TFEC: variants seen among roughly 807,000 people sequenced by gnomAD.
The protein encoded by TFEC is class E basic helix-loop-helix protein 34.
TFEC carries 31 observed loss-of-function variants against 41.6 expected under a neutral mutation model. The observed-to-expected ratio is 0.74, with a 90% CI of 0.56 to 1.01. The LOEUF is 1.01. Among genes scored for constraint, TFEC ranks in the 50% least tolerant of loss-of-function variants. The pLI is 0.00. For missense variants in TFEC, 402 were observed against 404.1 expected (o/e 0.99, Z 0.04); for synonymous variants, 143 against 140.6 (o/e 1.02, Z -0.12).
At chr7:115,974,591 C>T (rs1584620024) in intron 2 of TFEC, among the ~76,000 whole-genome samples, 1 of 122,954 alleles carries the variant, frequency 8.1e-6, no homozygotes, top group African/African-American at 3.0e-5. Context: ...AAATCAGTAT[C>T]TACATAAATA....
intron 1 of TFEC, among the ~76,000 whole-genome samples, chr7:116,015,598 C>T (rs571461627): frequency 2.0e-5 from 3 of 151,884 alleles, no homozygotes; most frequent in South Asian, 2.1e-4. Context: ...AAAGACCTTA[C>T]TGGGTAAAAG....
In TFEC at chr7:116,055,694, A is replaced by G. The variant is rs148035523; in HGVS notation, c.198+55014T>C. On this transcript the variant is annotated intron_variant, in intron 3 of 8. Coordinates refer to the TFEC transcript ENST00000484212. ...AAGTAATTTTATATATATCATCTCA[A>G]TGATTGCCACAATTCTGTGAAGAAG... is the stretch of plus-strand genomic sequence containing the variant. Among the ~76,000 whole-genome samples, 824 of 152,176 alleles carry G rather than the reference A, an allele frequency of 5.4e-3. 5 individuals are homozygous for G. The highest frequency in any genetic ancestry group is 0.019 in the African/African-American group (795 of 41,576).
intron 1 of TFEC, among the ~76,000 whole-genome samples, chr7:116,021,117 T>C (rs1415454781): frequency 1.3e-5 from 2 of 152,176 alleles, no homozygotes; most frequent in East Asian, 3.9e-4. Flanking sequence ...TAAAGGAACA[T>C]AAGAATTGAT....
intron 5 of TFEC, 28 bp downstream of exon 5, chr7:115,954,558 A>G: frequency 6.3e-7 from 1 of 1,589,346 alleles, no homozygotes. Flanking sequence ...CTTTTGCATT[A>G]ATTTTATATG....
At chr7:116,126,928 A>G (rs1477007823) in intron 1 of TFEC, among the ~76,000 whole-genome samples, 1 of 152,002 alleles carries the variant, frequency 6.6e-6, no homozygotes, top group Non-Finnish European at 1.5e-5. Context: ...CCCTTCGACA[A>G]AATAAATTAA....
At chr7:115,984,128 A>T in intron 2 of TFEC, 134 bp downstream of exon 2, 2 of 1,119,140 alleles carry the variant, frequency 1.8e-6, no homozygotes, top group Non-Finnish European at 1.2e-6. Flanking sequence ...AATAGAGAAT[A>T]ATTAATTAAA....
At position 116,134,692 on chromosome 7, in the gene TFEC, A is replaced by G. The variant is rs373986247; in HGVS notation, c.-68-22654T>C. Reference sequence around the variant, plus strand: ...TTCTTCGCCCTTTTTTGATAACTGCATTAAGTATATGAACCCAAATACTTT... The same window carrying G: ...TTCTTCGCCCTTTTTTGATAACTGCGTTAAGTATATGAACCCAAATACTTT... On this transcript the variant is annotated intron_variant, in intron 1 of 8. Coordinates refer to the TFEC transcript ENST00000484212. Among the ~76,000 whole-genome samples the G allele has an allele frequency of 5.9e-5, 9 of 152,296 alleles. No homozygotes were observed. The South Asian group carries it at 1.9e-3, about 32-fold the overall frequency.
chr7:115,955,505 C>T (rs1046848868), intron 4 of TFEC, among the ~76,000 whole-genome samples: 2 of 152,024 alleles, frequency 1.3e-5, no homozygotes, highest in African/African-American at 4.8e-5. Flanking sequence ...GAGTGAAACA[C>T]CTCGGGAGTG....
At chr7:116,048,496 T>G (rs1222247394) in intron 3 of TFEC, among the ~76,000 whole-genome samples, 5 of 152,202 alleles carry the variant, frequency 3.3e-5, no homozygotes, top group Non-Finnish European at 5.9e-5. Flanking sequence ...AGACCAAATC[T>G]ACATCTGATT....
Position 116,001,440 on chromosome 7 carries a change from A to G in TFEC, c.-72-16927T>C, listed in dbSNP as rs1177178810. Among the ~76,000 whole-genome samples, 3 of 151,846 alleles carry G rather than the reference A, an allele frequency of 2.0e-5. No homozygotes were observed. The East Asian group carries it at 5.8e-4, about 29-fold the overall frequency. On this transcript the variant is annotated intron_variant, in intron 1 of 7. Coordinates refer to ENST00000265440, the MANE Select transcript of TFEC (RefSeq NM_012252.4). ...AACCCTGGAGGCGGAAGTTGCAGTG[A>G]GCCGAGATCATGCCACTGCACTCCA...
chr7:116,033,210 A>G (rs370156023), upstream of TFEC, among the ~76,000 whole-genome samples: 3 of 152,010 alleles, frequency 2.0e-5, no homozygotes, highest in South Asian at 2.1e-4. Flanking sequence ...TGGCCATTCT[A>G]TGCCTGAAAT....
In TFEC at chr7:116,151,570, T is replaced by C. The variant is rs568030415; in HGVS notation, c.-69+8220A>G. 2.6e-5 allele frequency among the ~76,000 whole-genome samples: 4 copies of C among 152,264 alleles called. No individual in the cohort carries two copies. In the South Asian group the frequency reaches 6.2e-4, roughly 24 times the overall value. ...AGCTGTTGAAATTTTTATTCTTCAGTTGGATTTTTCTTCTCCTTGTAGTAG... is the reference window on the plus strand; with the variant it reads ...AGCTGTTGAAATTTTTATTCTTCAGCTGGATTTTTCTTCTCCTTGTAGTAG... On this transcript the variant is annotated intron_variant, in intron 1 of 8. Coordinates refer to the TFEC transcript ENST00000484212.
intron 3 of TFEC, among the ~76,000 whole-genome samples, chr7:116,091,932 G>A (rs1797338527): frequency 6.6e-6 from 1 of 151,740 alleles, no homozygotes; most frequent in Admixed American, 6.6e-5. Context: ...AACTAAAATG[G>A]CCAAACTGAA....
chr7:116,112,338 C>G (rs1797873815), intron 1 of TFEC, among the ~76,000 whole-genome samples: 1 of 151,904 alleles, frequency 6.6e-6, no homozygotes, highest in African/African-American at 2.4e-5. Context: ...CAGGCAACAC[C>G]TTTGTTCAAA....
At chr7:115,946,228 T>C (rs1192076732) in intron 6 of TFEC, among the ~76,000 whole-genome samples, 1 of 150,864 alleles carries the variant, frequency 6.6e-6, no homozygotes, top group African/African-American at 2.4e-5. Flanking sequence ...GAGTTTGGAG[T>C]AGAGTCTAAA....
At chr7:116,085,196 C>A (rs1477763490) in intron 3 of TFEC, among the ~76,000 whole-genome samples, 2 of 151,730 alleles carry the variant, frequency 1.3e-5, no homozygotes, top group African/African-American at 4.8e-5. Flanking sequence ...GAAAGGCAGA[C>A]AAATGGCTTG....
rs1793203392 is a variant in TFEC at position 115,935,831 on chromosome 7, G to T, written c.*4720C>A. ...ATGTAAGAAAAAGACATTTTACAGA[G>T]AATTTCATCAGTAGAAAACACAATA... On this transcript the variant is annotated 3_prime_UTR_variant, in exon 8 of 8. Transcript: ENST00000265440. 6.6e-6 allele frequency: 1 copy of T among 151,470 alleles called. No individual in the cohort carries two copies. The allele number at this position is 151,470 out of a possible 1,614,324, so 9.4% of individuals were successfully genotyped here. A position where few individuals can be genotyped will look rare whatever the true frequency, so the allele number is the denominator to read the frequency against.
chr7:116,151,851 A>G (rs952719157), intron 1 of TFEC, among the ~76,000 whole-genome samples: 50 of 152,284 alleles, frequency 3.3e-4, no homozygotes, highest in African/African-American at 1.2e-3. Flanking sequence ...ACTGGGTTAA[A>G]TATTTGTTTT....
chr7:115,945,575 C>G (rs1456075928), intron 6 of TFEC, among the ~76,000 whole-genome samples: 2 of 151,714 alleles, frequency 1.3e-5, no homozygotes, highest in African/African-American at 4.8e-5. Context: ...AGTGTCTTCT[C>G]TACCTGTGAT....
Sources: gnomAD v4.1 joint callset for allele counts (sites outside exome capture counted in the v4.1 genomes callset) on GRCh38, gnomAD v4.1.1 for gene constraint, MANE v1.5 for transcripts, NCBI Gene and HGNC (gene_info 2026-07-23, HGNC 2026-07-21) for gene names.